Variants in LRRTM3 observed in about 807,000 individuals in gnomAD.
LRRTM3 encodes the protein leucine-rich repeat transmembrane neuronal protein 3.
Under a neutral mutation model 44.7 loss-of-function variants are expected in LRRTM3, and 24 were observed. The observed-to-expected ratio is 0.54, with a 90% CI of 0.39 to 0.76. The LOEUF (loss-of-function observed/expected upper bound fraction) is 0.76, where lower values mean the gene tolerates loss of function less well. Ranked by LOEUF, LRRTM3 falls within the 30% of genes least tolerant of loss-of-function variation. The pLI is 0.00. For missense variants in LRRTM3, 587 were observed against 702.2 expected (o/e 0.84, Z 1.85); for synonymous variants, 277 against 278.7 (o/e 0.99, Z 0.06).
intron 2 of LRRTM3, among the ~76,000 whole-genome samples, chr10:67,079,246 G>A (rs779827332): frequency 1.3e-5 from 2 of 152,162 alleles, no homozygotes; most frequent in Non-Finnish European, 2.9e-5. Context: ...CTGTGTTATA[G>A]AACAAGGGGA....
At chr10:67,095,550 A>G (rs1199037754) in intron 2 of LRRTM3, among the ~76,000 whole-genome samples, 1 of 151,834 alleles carries the variant, frequency 6.6e-6, no homozygotes, top group Non-Finnish European at 1.5e-5. Context: ...TAAATCAAGC[A>G]GGAAATTGTG....
chr10:66,931,563 G>A (rs898130318), intron 2 of LRRTM3, among the ~76,000 whole-genome samples: 7 of 152,138 alleles, frequency 4.6e-5, no homozygotes, highest in Admixed American at 2.0e-4. Flanking sequence ...CTAGTGTCTG[G>A]TTAGACTAAC....
At chr10:67,077,401 C>CCA (rs1856797783) in intron 2 of LRRTM3, among the ~76,000 whole-genome samples, 1 of 152,132 alleles carries the variant, frequency 6.6e-6, no homozygotes, top group Non-Finnish European at 1.5e-5. Flanking sequence ...GCCCTGATGG[C>CCA]TTTTTGAGTC....
At chr10:66,984,632 T>C (rs923586096) in intron 2 of LRRTM3, among the ~76,000 whole-genome samples, 15 of 152,150 alleles carry the variant, frequency 9.9e-5, no homozygotes, top group Non-Finnish European at 2.1e-4. Context: ...TTAGAGTAAA[T>C]AGTAAATATA....
chr10:67,003,815 T>C (rs1851815315), intron 2 of LRRTM3, among the ~76,000 whole-genome samples: 1 of 152,168 alleles, frequency 6.6e-6, no homozygotes, highest in Non-Finnish European at 1.5e-5. Flanking sequence ...TAGATTCATG[T>C]GTTGTCTCTA....
At chr10:66,963,348 G>A (rs1849227271) in intron 2 of LRRTM3, among the ~76,000 whole-genome samples, 1 of 152,108 alleles carries the variant, frequency 6.6e-6, no homozygotes, top group African/African-American at 2.4e-5. Flanking sequence ...ATAAGCCTCA[G>A]TTATTTGCTT....
chr10:67,032,030 T>G (rs184068099), intron 2 of LRRTM3, among the ~76,000 whole-genome samples: 26 of 152,312 alleles, frequency 1.7e-4, no homozygotes, highest in African/African-American at 6.0e-4. Context: ...CCATGCATAA[T>G]TTGTCTGCCT....
intron 2 of LRRTM3, among the ~76,000 whole-genome samples, chr10:66,957,366 T>G (rs1848845378): frequency 6.9e-6 from 1 of 145,262 alleles, no homozygotes; most frequent in African/African-American, 2.5e-5. Context: ...AAGAAATATA[T>G]CCAGAATATG....
intron 2 of LRRTM3, among the ~76,000 whole-genome samples, chr10:66,951,124 T>G (rs1342443675): frequency 1.4e-5 from 2 of 146,592 alleles, no homozygotes; most frequent in African/African-American, 5.0e-5. Flanking sequence ...CACACTGTCT[T>G]TTTTTTTTTT....
intron 2 of LRRTM3, among the ~76,000 whole-genome samples, chr10:66,966,276 CAATT>C (rs1304351595): frequency 2.6e-5 from 4 of 152,116 alleles, no homozygotes; most frequent in Non-Finnish European, 5.9e-5. Context: ...TATGTGTAGA[CAATT>C]AAATTAATCT....
intron 2 of LRRTM3, among the ~76,000 whole-genome samples, chr10:67,060,599 T>C (rs1042214455): frequency 1.3e-5 from 2 of 152,174 alleles, no homozygotes; most frequent in African/African-American, 4.8e-5. Flanking sequence ...TTTGTGTCAC[T>C]TCTGGGTTAA....
intron 2 of LRRTM3, among the ~76,000 whole-genome samples, chr10:66,970,069 C>T (rs1480449238): frequency 6.6e-6 from 1 of 152,112 alleles, no homozygotes; most frequent in African/African-American, 2.4e-5. Context: ...GCACCTATCT[C>T]AACAACTGCA....
intron 2 of LRRTM3, among the ~76,000 whole-genome samples, chr10:66,957,761 CA>C (rs1848901914): frequency 2.0e-5 from 3 of 151,940 alleles, no homozygotes; most frequent in African/African-American, 7.3e-5. Flanking sequence ...AGGCAGAAGA[CA>C]AGGGGAAAAT....
intron 2 of LRRTM3, among the ~76,000 whole-genome samples, chr10:67,052,333 T>G (rs956781393): frequency 6.6e-6 from 1 of 151,570 alleles, no homozygotes; most frequent in Non-Finnish European, 1.5e-5. Flanking sequence ...TCTCTCTCTC[T>G]CTCTCTCTCT....
chr10:67,085,470 A>G (rs1857253249), intron 2 of LRRTM3, among the ~76,000 whole-genome samples: 1 of 151,958 alleles, frequency 6.6e-6, no homozygotes, highest in Non-Finnish European at 1.5e-5. Flanking sequence ...TCACCCTCCA[A>G]TATTACCTCC....
chr10:66,949,220 T>C (rs1334490787), intron 2 of LRRTM3, among the ~76,000 whole-genome samples: 2 of 152,128 alleles, frequency 1.3e-5, no homozygotes, highest in Non-Finnish European at 1.5e-5. Context: ...ACTGAGAAAC[T>C]ATCAGTTGTG....
intron 2 of LRRTM3, among the ~76,000 whole-genome samples, chr10:67,032,955 G>A (rs993663147): frequency 6.6e-5 from 10 of 152,060 alleles, no homozygotes; most frequent in African/African-American, 2.2e-4. Flanking sequence ...GATTCAGAAT[G>A]GCTGGCTTTT....
chr10:66,937,218 G>A lies in LRRTM3; in HGVS notation c.1536+8766G>A, dbSNP rs555284207. Among the ~76,000 whole-genome samples the A allele has an allele frequency of 2.9e-4, 44 of 152,134 alleles. No individual in the cohort carries two copies. In the South Asian group the frequency reaches 8.1e-3, roughly 28 times the overall value. ...TTTGAATTCTGTTTCTGGGATTTTA[G>A]TAACTGTGAAACCTTGAGTCTCAAC... On this transcript the variant is annotated intron_variant, in intron 2 of 2. Coordinates refer to ENST00000361320, the MANE Select transcript of LRRTM3 (RefSeq NM_178011.5).
chr10:66,984,990 C>A (rs1160972167), intron 2 of LRRTM3, among the ~76,000 whole-genome samples: 1 of 152,140 alleles, frequency 6.6e-6, no homozygotes, highest in Non-Finnish European at 1.5e-5. Context: ...CTCTTCTTCA[C>A]TACTGTTGAG....
Sources: gnomAD v4.1 joint callset for allele counts (sites outside exome capture counted in the v4.1 genomes callset) on GRCh38, gnomAD v4.1.1 for gene constraint, MANE v1.5 for transcripts, NCBI Gene and HGNC (gene_info 2026-07-23, HGNC 2026-07-21) for gene names.